The following AATF variants were observed in gnomAD, a reference collection of about 807,000 sequenced individuals.
AATF encodes protein AATF.
A neutral mutation model predicts 63.7 loss-of-function variants in AATF; 48 were observed. That is an observed-to-expected ratio of 0.75 (90% confidence interval 0.60 to 0.96). The LOEUF (loss-of-function observed/expected upper bound fraction) is 0.96. Ranked by LOEUF, AATF falls within the 40% of genes least tolerant of loss-of-function variation. The pLI, the probability that AATF is intolerant of heterozygous loss-of-function variation, is 0.00. For missense variants in AATF, 639 were observed against 685.7 expected (o/e 0.93, Z 0.76); for synonymous variants, 258 against 247.7 (o/e 1.04, Z -0.39).
rs990684993 is a variant in AATF, at chr17:37,025,173, C to T, written c.1547+4159C>T. On this transcript the variant is annotated intron_variant, in intron 10 of 11. Transcript: ENST00000619387. Reference sequence around the variant, plus strand: ...GAACTAGATAGGTCTTGGTAGTAATCATTGATATGTATAAGAGAGAGGCTG... The same window carrying T: ...GAACTAGATAGGTCTTGGTAGTAATTATTGATATGTATAAGAGAGAGGCTG... Among the ~76,000 whole-genome samples, 4 of 152,082 alleles carry T rather than the reference C, an allele frequency of 2.6e-5. No individual in the cohort carries two copies. In the South Asian group the frequency reaches 8.3e-4, roughly 32 times the overall value.
intron 4 of AATF, among the ~76,000 whole-genome samples, chr17:36,972,843 C>G (rs1221654539): frequency 6.6e-6 from 1 of 152,108 alleles, no homozygotes; most frequent in East Asian, 1.9e-4. Context: ...TCAGACTTGT[C>G]TGGTTTCCAG....
chr17:37,022,707 A>T (rs1158968489), intron 10 of AATF, among the ~76,000 whole-genome samples: 2 of 152,180 alleles, frequency 1.3e-5, no homozygotes, highest in African/African-American at 4.8e-5. Context: ...TGTAAAATGG[A>T]TATGATAATA....
chr17:37,018,929 ATTCC>A, intron 8 of AATF, 72 bp from the exon 9 acceptor site: 1 of 1,225,492 alleles, frequency 8.2e-7, no homozygotes, highest in South Asian at 1.2e-5. Flanking sequence ...GCCATTCAGA[ATTCC>A]TTCTCTGCCC....
At chr17:36,997,651 T>G (rs1270129760) in intron 8 of AATF, among the ~76,000 whole-genome samples, 1 of 152,222 alleles carries the variant, frequency 6.6e-6, no homozygotes, top group Admixed American at 6.5e-5. Flanking sequence ...ACAGCCACTG[T>G]GGAAAACAGT....
At chr17:37,018,919 G>A in intron 8 of AATF, 86 bp from the exon 9 acceptor site, 1 of 1,063,132 alleles carries the variant, frequency 9.4e-7, no homozygotes, top group African/African-American at 1.6e-5. Context: ...CTGTCACTAT[G>A]CCATTCAGAA....
intron 11 of AATF, among the ~76,000 whole-genome samples, 170 bp downstream of exon 11, chr17:37,031,855 A>G (rs2071554442): frequency 6.6e-6 from 1 of 152,202 alleles, no homozygotes; most frequent in Non-Finnish European, 1.5e-5. Flanking sequence ...AACCAAACCA[A>G]AAACTTGCAT....
At chr17:36,978,776 C>T (rs1179149967) in intron 4 of AATF, among the ~76,000 whole-genome samples, 1 of 151,664 alleles carries the variant, frequency 6.6e-6, no homozygotes, top group Non-Finnish European at 1.5e-5. Flanking sequence ...GAATTTGTAA[C>T]CTGCAGTCCT....
intron 4 of AATF, among the ~76,000 whole-genome samples, chr17:36,961,622 A>T (rs2142212794): frequency 6.6e-6 from 1 of 152,180 alleles, no homozygotes; most frequent in African/African-American, 2.4e-5. Flanking sequence ...CATATTGCCC[A>T]GATCTATATT....
intron 10 of AATF, among the ~76,000 whole-genome samples, chr17:37,027,211 T>C (rs2071517354): frequency 6.6e-6 from 1 of 152,206 alleles, no homozygotes; most frequent in Admixed American, 6.5e-5. Flanking sequence ...CAGCATTACA[T>C]ATAAGTGGAT....
intron 9 of AATF, among the ~76,000 whole-genome samples, chr17:37,019,830 G>T (rs1030177697): frequency 6.6e-6 from 1 of 152,150 alleles, no homozygotes; most frequent in African/African-American, 2.4e-5. Flanking sequence ...GTAGGATGTT[G>T]ATATTTCGTT....
At chr17:36,949,932 A>T (rs751656269) in intron 1 of AATF, among the ~76,000 whole-genome samples, 1 of 152,226 alleles carries the variant, frequency 6.6e-6, no homozygotes, top group Non-Finnish European at 1.5e-5. Flanking sequence ...CTGATTTAAG[A>T]TATTGGAGCG....
In AATF at chr17:36,988,697, C is replaced by G. The variant is rs141988516; in HGVS notation, c.1126C>G (p.Leu376Val). ...TCAGAAATGGCACGATAAGACCAAA[C>G]TGGCTTCTGGAAAACTGGGGAAGGC... ...TLQKWHDKTKLASGKLGKGFG... is the reference protein window; with the variant it reads ...TLQKWHDKTKVASGKLGKGFG... The change falls in exon 6 of 12, where the codon CTG becomes GTG. Residue 376 changes from leucine (L) to valine (V), a missense_variant. Leu to Val is a conservative substitution (Grantham distance 32). Coordinates refer to ENST00000619387, the MANE Select transcript of AATF (RefSeq NM_012138.4). 1.6e-5 allele frequency: 26 copies of G among 1,613,808 alleles called. No individual in the cohort carries two copies. The African/African-American group carries it at 2.5e-4, about 16-fold the overall frequency.
intron 4 of AATF, among the ~76,000 whole-genome samples, chr17:36,968,266 CTTTCTTTTTTTTTTTTTTT>C (rs2071009806): frequency 2.6e-5 from 2 of 75,572 alleles, no homozygotes; most frequent in East Asian, 3.5e-4. Flanking sequence ...TTCTTTCCTT[CTTTCTTTTTTTTTTTTTTT>C]TTTTTTTTTT....
chr17:36,959,605 A>G (rs941223901), intron 4 of AATF, among the ~76,000 whole-genome samples: 1 of 152,212 alleles, frequency 6.6e-6, no homozygotes, highest in African/African-American at 2.4e-5. Flanking sequence ...AGTTTGCTCT[A>G]TAGCTTTAAA....
intron 4 of AATF, among the ~76,000 whole-genome samples, chr17:36,955,676 T>C (rs547957494): frequency 6.6e-6 from 1 of 152,312 alleles, no homozygotes; most frequent in Non-Finnish European, 1.5e-5. Flanking sequence ...TTGAGCCTTT[T>C]TCATTTTAAA....
intron 8 of AATF, among the ~76,000 whole-genome samples, chr17:37,014,995 T>A (rs1039529840): frequency 2.6e-5 from 4 of 152,206 alleles, no homozygotes; most frequent in Non-Finnish European, 4.4e-5. Flanking sequence ...ATATTCATTG[T>A]AAGTTTTGGG....
chr17:37,046,730 A>C (rs996552974), intron 11 of AATF, among the ~76,000 whole-genome samples: 24 of 140,054 alleles, frequency 1.7e-4, no homozygotes, highest in African/African-American at 5.9e-4. Context: ...GTGCTCCCCC[A>C]ACACACACAC....
chr17:36,954,936 G>C (rs547038865), intron 4 of AATF, among the ~76,000 whole-genome samples: 2 of 152,168 alleles, frequency 1.3e-5, no homozygotes, highest in African/African-American at 4.8e-5. Context: ...TAGATATTCA[G>C]AGTCCTCATG....
In AATF at chr17:37,056,622, T is replaced by A; in HGVS notation, c.1641T>A (p.Leu547=). The change falls in exon 12 of 12, where the codon CTT becomes CTA. Residue 547 remains leucine, a synonymous_variant. Coordinates refer to ENST00000619387, the MANE Select transcript of AATF (RefSeq NM_012138.4). ...DDARTELYRS[L]FGQLHPPDEG... is the part of the protein sequence containing the mutation. ...TTAGGACAGAACTGTACCGCTCTCTTTTTGGCCAGCTCCACCCTCCCGACG... is the reference window on the plus strand; with the variant it reads ...TTAGGACAGAACTGTACCGCTCTCTATTTGGCCAGCTCCACCCTCCCGACG... 1 of 1,614,222 alleles carries A rather than the reference T, an allele frequency of 6.2e-7. No individual in the cohort carries two copies. Among genetic ancestry groups the A allele is most frequent in the Non-Finnish European group, 8.5e-7 (1 of 1,180,046 alleles).
Sources: allele counts gnomAD v4.1 joint callset (sites outside exome capture counted in the v4.1 genomes callset), GRCh38; gene constraint gnomAD v4.1.1; transcripts MANE v1.5; gene names NCBI Gene and HGNC (gene_info 2026-07-23, HGNC 2026-07-21).